CRCP: variants seen among roughly 807,000 people sequenced by gnomAD.
The protein encoded by CRCP is DNA-directed RNA polymerase III subunit RPC9.
CRCP carries 18 observed loss-of-function variants against 18.5 expected under a neutral mutation model. That is an observed-to-expected ratio of 0.97 (90% CI 0.67 to 1.44). The LOEUF (loss-of-function observed/expected upper bound fraction) is 1.44. Ranked by LOEUF, CRCP falls within the 40% of genes most tolerant of loss-of-function variation. The probability of loss-of-function intolerance (pLI) is 0.00; values close to 1 mark genes in which losing one functional copy is unlikely to be tolerated. For missense variants in CRCP, 130 were observed against 176.4 expected (o/e 0.74, Z 1.49); for synonymous variants, 53 against 62.9 (o/e 0.84, Z 0.75).
At chr7:66,122,290 G>C (rs1304203389) in intron 1 of CRCP, among the ~76,000 whole-genome samples, 1 of 150,556 alleles carries the variant, frequency 6.6e-6, no homozygotes, top group African/African-American at 2.4e-5. Flanking sequence ...CAGGAGAATG[G>C]CATGAACCCG....
Position 66,152,697 on chromosome 7 carries a change from G to A in CRCP, c.*340G>A. On this transcript the variant is annotated 3_prime_UTR_variant, in exon 6 of 6. Coordinates refer to ENST00000395326, the MANE Select transcript of CRCP (RefSeq NM_014478.5). ...AAAATGCTTGTGTCGCCTTTGGTGG[G>A]CCATGTCCTAATTAGTTTCATCTGC... The A allele has an allele frequency of 4.1e-6, 1 of 245,496 alleles. No homozygotes were observed. The highest frequency in any genetic ancestry group is 8.1e-6 in the Non-Finnish European group (1 of 123,844). The allele number at this position is 245,496 out of a possible 1,614,324, so 15.2% of individuals were successfully genotyped here.
At chr7:66,128,461 T>C (rs1787683524) in intron 2 of CRCP, among the ~76,000 whole-genome samples, 2 of 152,222 alleles carry the variant, frequency 1.3e-5, no homozygotes, top group Non-Finnish European at 2.9e-5. Flanking sequence ...TTTTATACAT[T>C]GCAAATAGTC....
intron 5 of CRCP, among the ~76,000 whole-genome samples, chr7:66,151,245 C>A (rs1389077921): frequency 6.6e-6 from 1 of 152,158 alleles, no homozygotes; most frequent in African/African-American, 2.4e-5. Flanking sequence ...TAGTGGGCAT[C>A]ATCAACCGTG....
intron 5 of CRCP, 74 bp from the exon 6 acceptor site, chr7:66,152,134 G>T: frequency 6.4e-7 from 1 of 1,563,746 alleles, no homozygotes; most frequent in South Asian, 1.2e-5. Context: ...CTGAGACCAT[G>T]AGCACAGTGG....
chr7:66,145,390 G>C (rs372695491), intron 4 of CRCP, 53 bp from the exon 5 acceptor site: 125 of 1,577,052 alleles, frequency 7.9e-5, no homozygotes, highest in Non-Finnish European at 1.0e-4. Flanking sequence ...GCTCAGTCAG[G>C]ACTCAGGACT....
At chr7:66,136,538 A>G (rs529228420) in intron 4 of CRCP, among the ~76,000 whole-genome samples, 160 of 149,422 alleles carry the variant, frequency 1.1e-3, no homozygotes, top group African/African-American at 3.6e-3. Context: ...CCAATTTTGT[A>G]TTTTTAGTAG....
At chr7:66,126,603 GATA>G in intron 1 of CRCP, 1 of 425,086 alleles carries the variant, frequency 2.4e-6, no homozygotes, top group South Asian at 1.7e-5. Context: ...AATTAACTGG[GATA>G]ATATCTTTTA....
At chr7:66,127,185 G>A (rs1431607974) in intron 1 of CRCP, among the ~76,000 whole-genome samples, 2 of 152,222 alleles carry the variant, frequency 1.3e-5, no homozygotes, top group Non-Finnish European at 2.9e-5. Flanking sequence ...TTTAATATAT[G>A]TCACATCGTT....
intron 1 of CRCP, among the ~76,000 whole-genome samples, chr7:66,115,439 A>G (rs1232683159): frequency 6.6e-6 from 1 of 151,912 alleles, no homozygotes; most frequent in Non-Finnish European, 1.5e-5. Flanking sequence ...CTGCCCTCGG[A>G]ATTTGATGGG....
chr7:66,126,293 G>A (rs1385459719), intron 1 of CRCP, among the ~76,000 whole-genome samples: 1 of 149,238 alleles, frequency 6.7e-6, no homozygotes, highest in African/African-American at 2.4e-5. Context: ...TGCTTTTGAA[G>A]TCTTGGGTCA....
At chr7:66,123,914 T>C (rs188107407) in intron 1 of CRCP, among the ~76,000 whole-genome samples, 1 of 147,428 alleles carries the variant, frequency 6.8e-6, no homozygotes, top group East Asian at 2.0e-4. Flanking sequence ...GCGTGGTGGC[T>C]GGCGCCTGTA....
chr7:66,133,853 G>C (rs902487838), intron 3 of CRCP, among the ~76,000 whole-genome samples: 1 of 123,594 alleles, frequency 8.1e-6, no homozygotes, highest in African/African-American at 3.0e-5. Flanking sequence ...TTTCTTTTTT[G>C]TTTTCTTTTT....
chr7:66,148,181 G>T (rs1369842141), intron 5 of CRCP, among the ~76,000 whole-genome samples: 1 of 152,128 alleles, frequency 6.6e-6, no homozygotes, highest in African/African-American at 2.4e-5. Context: ...GGCCAACATG[G>T]CGAAACCTCA....
chr7:66,125,584 CTT>C (rs1297893100), intron 1 of CRCP, among the ~76,000 whole-genome samples: 3 of 149,172 alleles, frequency 2.0e-5, no homozygotes, highest in Non-Finnish European at 4.5e-5. Flanking sequence ...TTCATTAAAA[CTT>C]ATGTGAAAGA....
chr7:66,120,385 T>C (rs1787402152), intron 1 of CRCP, among the ~76,000 whole-genome samples: 1 of 152,170 alleles, frequency 6.6e-6, no homozygotes, highest in Non-Finnish European at 1.5e-5. Context: ...TTTGTTCTTG[T>C]AACAGCCTGT....
At chr7:66,123,749 CA>C (rs35581711) in intron 1 of CRCP, among the ~76,000 whole-genome samples, 90,244 of 138,440 alleles carry the variant, frequency 0.65, 28,796 homozygotes, top group African/African-American at 0.74. Context: ...ACTCTTGTCT[CA>C]AAAAAAAAAA....
At chr7:66,133,506 T>C (rs932601187) in intron 3 of CRCP, among the ~76,000 whole-genome samples, 20 of 145,714 alleles carry the variant, frequency 1.4e-4, no homozygotes, top group Admixed American at 1.0e-3. Flanking sequence ...ATCGTGCCGC[T>C]GCACTCCAGC....
At chr7:66,143,062 C>CT (rs987681915) in intron 4 of CRCP, among the ~76,000 whole-genome samples, 1 of 152,176 alleles carries the variant, frequency 6.6e-6, no homozygotes, top group African/African-American at 2.4e-5. Context: ...AACCTTGACT[C>CT]TATCTGTTCC....
intron 4 of CRCP, among the ~76,000 whole-genome samples, chr7:66,137,760 G>A (rs950987737): frequency 6.6e-6 from 1 of 152,182 alleles, no homozygotes; most frequent in Admixed American, 6.5e-5. Flanking sequence ...TAGGTTACTA[G>A]TAGGGTTAAT....
Sources: allele counts gnomAD v4.1 joint callset (sites outside exome capture counted in the v4.1 genomes callset), GRCh38; gene constraint gnomAD v4.1.1; transcripts MANE v1.5; gene names NCBI Gene and HGNC (gene_info 2026-07-23, HGNC 2026-07-21).